The following EPHB1 variants were observed in gnomAD, a reference collection of about 807,000 sequenced individuals.
EPHB1 encodes the protein ephrin type-B receptor 1.
Under a neutral mutation model 94.4 loss-of-function variants are expected in EPHB1, and 30 were observed. The ratio of observed to expected loss-of-function variants is 0.32; its 90% CI spans 0.24 to 0.43. The LOEUF (loss-of-function observed/expected upper bound fraction) is 0.43. EPHB1 is among the 20% of genes least tolerant of loss of function. The probability of loss-of-function intolerance (pLI) is 1.00; values close to 1 mark genes in which losing one functional copy is unlikely to be tolerated. For synonymous variants in EPHB1, 522 were observed against 489.1 expected (o/e 1.07, Z -0.89); for missense variants, 1,055 against 1,308.3 (o/e 0.81, Z 2.99).
At chr3:135,046,260 A>T (rs1936994305) in intron 3 of EPHB1, among the ~76,000 whole-genome samples, 1 of 152,248 alleles carries the variant, frequency 6.6e-6, no homozygotes, top group Non-Finnish European at 1.5e-5. Context: ...CTGCTCTAGC[A>T]AGTGCTTTGT....
intron 3 of EPHB1, among the ~76,000 whole-genome samples, chr3:135,045,232 T>C (rs896295597): frequency 6.6e-6 from 1 of 152,082 alleles, no homozygotes; most frequent in African/African-American, 2.4e-5. Context: ...CAAAATGCAC[T>C]AGTAGTCATT....
At chr3:135,023,153 T>C (rs1576323650) in intron 3 of EPHB1, among the ~76,000 whole-genome samples, 3 of 152,328 alleles carry the variant, frequency 2.0e-5, no homozygotes. Context: ...TGGACAAATA[T>C]GAGAGCTTTC....
intron 3 of EPHB1, among the ~76,000 whole-genome samples, chr3:135,018,903 G>A (rs1400205036): frequency 6.6e-6 from 1 of 152,196 alleles, no homozygotes; most frequent in Non-Finnish European, 1.5e-5. Flanking sequence ...TGCTGAACAG[G>A]AATGAGCCTC....
intron 8 of EPHB1, among the ~76,000 whole-genome samples, chr3:135,166,434 C>A (rs1400834350): frequency 2.0e-5 from 3 of 152,152 alleles, no homozygotes; most frequent in Non-Finnish European, 4.4e-5. Context: ...AGAGCTCAGG[C>A]TCTCAGCAGC....
chr3:135,148,832 C>G (rs1941098895), intron 5 of EPHB1, among the ~76,000 whole-genome samples: 1 of 152,190 alleles, frequency 6.6e-6, no homozygotes, highest in African/African-American at 2.4e-5. Flanking sequence ...TTTCTCCATC[C>G]CAGAGCCCCT....
intron 13 of EPHB1, 125 bp from the exon 14 acceptor site, chr3:135,248,191 C>G: frequency 1.1e-6 from 1 of 869,740 alleles, no homozygotes; most frequent in East Asian, 2.7e-5. Context: ...GGAAGGTGTG[C>G]AAGCACAGAG....
intron 3 of EPHB1, among the ~76,000 whole-genome samples, chr3:134,998,491 G>A (rs1346534575): frequency 6.6e-6 from 1 of 152,182 alleles, no homozygotes; most frequent in Non-Finnish European, 1.5e-5. Context: ...GGATGAGCAT[G>A]TACTAAGTCT....
chr3:135,161,928 A>T (rs550044612), intron 6 of EPHB1, 90 bp from the exon 7 acceptor site: 3 of 1,394,270 alleles, frequency 2.2e-6, no homozygotes, highest in African/African-American at 2.9e-5. Context: ...GGACCAAGAA[A>T]TGATGGGGCC....
intron 1 of EPHB1, among the ~76,000 whole-genome samples, chr3:134,899,849 C>T (rs144927088): frequency 1.3e-5 from 2 of 152,278 alleles, no homozygotes; most frequent in African/African-American, 4.8e-5. Flanking sequence ...GGAGCTTCTC[C>T]AGGAAAAGGG....
At chr3:135,124,462 TA>T (rs1940113935) in intron 4 of EPHB1, among the ~76,000 whole-genome samples, 1 of 151,714 alleles carries the variant, frequency 6.6e-6, no homozygotes, top group African/African-American at 2.4e-5. Flanking sequence ...CATTACCATA[TA>T]ACAATGAGTT....
At chr3:135,119,808 C>T (rs1186561372) in intron 4 of EPHB1, among the ~76,000 whole-genome samples, 1 of 152,062 alleles carries the variant, frequency 6.6e-6, no homozygotes, top group South Asian at 2.1e-4. Context: ...CTTCTTCCAT[C>T]TGGAACTTTA....
intron 4 of EPHB1, among the ~76,000 whole-genome samples, chr3:135,117,927 G>A (rs1362761552): frequency 1.3e-5 from 2 of 152,152 alleles, no homozygotes; most frequent in Non-Finnish European, 2.9e-5. Flanking sequence ...TGGGGCAGAG[G>A]TGCCCAGAAG....
At chr3:134,968,234 T>C (rs1375548953) in intron 3 of EPHB1, among the ~76,000 whole-genome samples, 1 of 152,222 alleles carries the variant, frequency 6.6e-6, no homozygotes, top group Non-Finnish European at 1.5e-5. Context: ...TGTGTAGAGC[T>C]GAGCAAAAGT....
chr3:135,129,513 G>A (rs1017430379), intron 4 of EPHB1, among the ~76,000 whole-genome samples: 3 of 152,152 alleles, frequency 2.0e-5, no homozygotes, highest in Admixed American at 2.0e-4. Context: ...TATATACATG[G>A]GACCTTTTCC....
intron 1 of EPHB1, among the ~76,000 whole-genome samples, chr3:134,875,757 T>C (rs1210433382): frequency 6.6e-6 from 1 of 152,166 alleles, no homozygotes; most frequent in African/African-American, 2.4e-5. Flanking sequence ...CAAGTACTTA[T>C]TTTCCTTCCA....
intron 3 of EPHB1, among the ~76,000 whole-genome samples, chr3:135,057,108 AGAATCT>A (rs1457518151): frequency 6.6e-6 from 1 of 152,180 alleles, no homozygotes; most frequent in Non-Finnish European, 1.5e-5. Flanking sequence ...CTCTGCTCCC[AGAATCT>A]GGTGAGGAGG....
At chr3:134,861,059 CCCAGGAGGAAACTGGTGAACTGTAACG>C (rs1417739903) in intron 1 of EPHB1, among the ~76,000 whole-genome samples, 1 of 152,004 alleles carries the variant, frequency 6.6e-6, no homozygotes, top group African/African-American at 2.4e-5. Context: ...AGAACAGGGC[CCCAGGAGGAAACTGGTGAACTGTAACG>C]CCAGTTAGAG....
chr3:134,815,349 A>G (rs1560245678), intron 1 of EPHB1, among the ~76,000 whole-genome samples: 1 of 152,112 alleles, frequency 6.6e-6, no homozygotes, highest in Non-Finnish European at 1.5e-5. Context: ...AGGTGGCTCA[A>G]GGAGGAAAAT....
intron 5 of EPHB1, among the ~76,000 whole-genome samples, chr3:135,143,506 A>G (rs1306166046): frequency 1.3e-5 from 2 of 152,164 alleles, no homozygotes; most frequent in Non-Finnish European, 2.9e-5. Flanking sequence ...AGCCAGGTGT[A>G]ACAGGGGCAC....
Sources: allele counts gnomAD v4.1 joint callset (sites outside exome capture counted in the v4.1 genomes callset), GRCh38; gene constraint gnomAD v4.1.1; transcripts MANE v1.5; gene names NCBI Gene and HGNC (gene_info 2026-07-23, HGNC 2026-07-21).